Variants in FHIT observed in about 807,000 individuals in gnomAD.
FHIT encodes the protein bis(5'-adenosyl)-triphosphatase.
A neutral mutation model predicts 17.9 loss-of-function variants in FHIT; 19 were observed. The ratio of observed to expected loss-of-function variants is 1.06; its 90% CI spans 0.74 to 1.56. The LOEUF is 1.56. FHIT is among the 40% of genes most tolerant of loss of function. The pLI is 0.00. For missense variants in FHIT, 248 were observed against 189.2 expected (o/e 1.31, Z -1.82); for synonymous variants, 81 against 69.7 (o/e 1.16, Z -0.81).
intron 5 of FHIT, among the ~76,000 whole-genome samples, chr3:60,534,709 G>A (rs374643577): frequency 5.8e-4 from 88 of 152,142 alleles, no homozygotes; most frequent in African/African-American, 2.1e-3. Flanking sequence ...ACTGAAGTGT[G>A]TTAATTTTAA....
chr3:59,760,959 A>G (rs1160904310), intron 8 of FHIT, among the ~76,000 whole-genome samples: 4 of 152,072 alleles, frequency 2.6e-5, no homozygotes, highest in African/African-American at 7.2e-5. Context: ...GGTTATAGGC[A>G]TGCACCACTG....
At chr3:60,275,000 T>C (rs1156432371) in intron 5 of FHIT, among the ~76,000 whole-genome samples, 1 of 152,176 alleles carries the variant, frequency 6.6e-6, no homozygotes. Context: ...TTAAAAATGA[T>C]AGTCTCAAGG....
chr3:60,202,600 C>T (rs1005550013), intron 5 of FHIT, among the ~76,000 whole-genome samples: 15 of 152,266 alleles, frequency 9.9e-5, no homozygotes, highest in South Asian at 2.1e-4. Context: ...TATAAAGTTA[C>T]AATCCAAACA....
At chr3:59,928,944 G>A (rs187341514) in intron 7 of FHIT, among the ~76,000 whole-genome samples, 1 of 136,278 alleles carries the variant, frequency 7.3e-6, no homozygotes, top group Admixed American at 8.2e-5. Flanking sequence ...GCAGTGAGCC[G>A]AGATTGCACC....
intron 5 of FHIT, among the ~76,000 whole-genome samples, chr3:60,347,689 G>GGTTTTTTT (rs1553750581): frequency 1.2e-5 from 1 of 85,302 alleles, no homozygotes; most frequent in Non-Finnish European, 2.4e-5. Flanking sequence ...GGGGGGGGGG[G>GGTTTTTTT]TTTGTTTTTT....
chr3:60,641,387 A>G (rs932637688), intron 4 of FHIT, among the ~76,000 whole-genome samples: 2 of 152,148 alleles, frequency 1.3e-5, no homozygotes, highest in African/African-American at 4.8e-5. Flanking sequence ...GAAGATGTCT[A>G]TTGTGCCTAT....
intron 8 of FHIT, among the ~76,000 whole-genome samples, chr3:59,908,999 C>T (rs1228388729): frequency 2.6e-5 from 4 of 151,826 alleles, no homozygotes; most frequent in Non-Finnish European, 4.4e-5. Context: ...ACTATCACAT[C>T]AGCACAACTG....
At chr3:61,138,554 TAA>T (rs1280853478) in intron 2 of FHIT, among the ~76,000 whole-genome samples, 15 of 152,204 alleles carry the variant, frequency 9.9e-5, no homozygotes, top group Non-Finnish European at 1.9e-4. Context: ...CACTGGCACT[TAA>T]TAAAGGCTTA....
At chr3:60,083,745 G>T (rs1294963318) in intron 5 of FHIT, among the ~76,000 whole-genome samples, 1 of 152,174 alleles carries the variant, frequency 6.6e-6, no homozygotes, top group Non-Finnish European at 1.5e-5. Context: ...CAGCATTAAA[G>T]CAGTCATATA....
intron 4 of FHIT, among the ~76,000 whole-genome samples, chr3:60,809,151 A>G (rs963340704): frequency 2.6e-5 from 4 of 152,318 alleles, no homozygotes; most frequent in Admixed American, 1.3e-4. Flanking sequence ...TAACTATTAC[A>G]TTTAGTAATT....
At chr3:61,233,609 A>T (rs1214442595) in intron 1 of FHIT, among the ~76,000 whole-genome samples, 1 of 152,228 alleles carries the variant, frequency 6.6e-6, no homozygotes, top group East Asian at 1.9e-4. Context: ...CTAGAAGGAT[A>T]GACACCAATA....
intron 8 of FHIT, among the ~76,000 whole-genome samples, chr3:59,789,868 T>C (rs1699476521): frequency 6.6e-6 from 1 of 152,194 alleles, no homozygotes; most frequent in Non-Finnish European, 1.5e-5. Flanking sequence ...CCATTAAAAA[T>C]GTTAACTGTA....
At chr3:60,872,515 A>T (rs1231066042) in intron 3 of FHIT, among the ~76,000 whole-genome samples, 1 of 152,084 alleles carries the variant, frequency 6.6e-6, no homozygotes, top group Non-Finnish European at 1.5e-5. Flanking sequence ...ATTCTCAAGG[A>T]GCAAAAATAC....
chr3:60,830,112 C>T (rs1163765554), intron 3 of FHIT, among the ~76,000 whole-genome samples: 1 of 152,040 alleles, frequency 6.6e-6, no homozygotes, highest in African/African-American at 2.4e-5. Context: ...TTTCAGTGGA[C>T]AATGGTATTT....
intron 5 of FHIT, among the ~76,000 whole-genome samples, chr3:60,271,019 A>G (rs1051423017): frequency 2.6e-5 from 4 of 152,172 alleles, no homozygotes; most frequent in Non-Finnish European, 5.9e-5. Context: ...CTTCCAGGTG[A>G]CTATTACCAG....
At chr3:59,765,424 A>G (rs927935188) in intron 8 of FHIT, among the ~76,000 whole-genome samples, 1 of 152,208 alleles carries the variant, frequency 6.6e-6, no homozygotes, top group African/African-American at 2.4e-5. Context: ...TCAAGGCTTC[A>G]ATGCTCTAGG....
chr3:60,460,563 G>C (rs779726432), intron 5 of FHIT, among the ~76,000 whole-genome samples: 16 of 152,038 alleles, frequency 1.1e-4, no homozygotes, highest in Non-Finnish European at 2.1e-4. Context: ...TATAAACCTA[G>C]AAACTGTTTA....
intron 5 of FHIT, among the ~76,000 whole-genome samples, chr3:60,085,080 A>G (rs1426386449): frequency 6.6e-6 from 1 of 152,188 alleles, no homozygotes; most frequent in Non-Finnish European, 1.5e-5. Flanking sequence ...GTGTAATATG[A>G]CAACAGACTT....
intron 5 of FHIT, among the ~76,000 whole-genome samples, chr3:60,168,899 C>T (rs1363231260): frequency 6.6e-6 from 1 of 152,192 alleles, no homozygotes; most frequent in African/African-American, 2.4e-5. Flanking sequence ...GGTGAAAGAG[C>T]TGCAAACCCC....
Sources: gnomAD v4.1 joint callset for allele counts (sites outside exome capture counted in the v4.1 genomes callset) on GRCh38, gnomAD v4.1.1 for gene constraint, MANE v1.5 for transcripts, NCBI Gene and HGNC (gene_info 2026-07-23, HGNC 2026-07-21) for gene names.